Variants in FAM168A observed in about 807,000 individuals in gnomAD.
FAM168A encodes the protein family with sequence similarity 168 member A.
Under a neutral mutation model 28.5 loss-of-function variants are expected in FAM168A, and 3 were observed. The ratio of observed to expected loss-of-function variants is 0.11; its 90% CI spans 0.05 to 0.27. FAM168A has a LOEUF of 0.27. Ranked by LOEUF, FAM168A falls within the 10% of genes least tolerant of loss-of-function variation. The pLI, the probability that FAM168A is intolerant of heterozygous loss-of-function variation, is 1.00. For missense variants in FAM168A, 222 were observed against 311.5 expected (o/e 0.71, Z 2.16); for synonymous variants, 122 against 124.2 (o/e 0.98, Z 0.12).
chr11:73,557,226 G>A (rs1337532568), intron 1 of FAM168A, among the ~76,000 whole-genome samples: 1 of 152,140 alleles, frequency 6.6e-6, no homozygotes, highest in Non-Finnish European at 1.5e-5. Context: ...TATGCTAAGT[G>A]AATTAAACCA....
intron 1 of FAM168A, among the ~76,000 whole-genome samples, chr11:73,501,872 C>T (rs971596234): frequency 2.0e-5 from 3 of 152,138 alleles, no homozygotes; most frequent in South Asian, 2.1e-4. Flanking sequence ...GAGGCCAAGG[C>T]GGGCAGATCA....
intron 1 of FAM168A, among the ~76,000 whole-genome samples, chr11:73,589,186 C>T (rs1016712318): frequency 2.0e-5 from 3 of 152,036 alleles, no homozygotes; most frequent in African/African-American, 7.3e-5. Context: ...ACGCATAATG[C>T]TACAAAAATT....
At chr11:73,475,869 C>T (rs1457687187) in intron 1 of FAM168A, among the ~76,000 whole-genome samples, 1 of 152,066 alleles carries the variant, frequency 6.6e-6, no homozygotes, top group East Asian at 1.9e-4. Flanking sequence ...AATCCAATGC[C>T]CAGAGTCATT....
intron 1 of FAM168A, among the ~76,000 whole-genome samples, chr11:73,492,589 C>T (rs1022255684): frequency 3.3e-5 from 5 of 152,112 alleles, no homozygotes; most frequent in Admixed American, 6.5e-5. Context: ...TGCGGTAAGC[C>T]GAGATCGCAC....
intron 6 of FAM168A, among the ~76,000 whole-genome samples, chr11:73,408,393 T>C (rs920961180): frequency 6.6e-6 from 1 of 152,192 alleles, no homozygotes; most frequent in African/African-American, 2.4e-5. Context: ...GCCTCAACCA[T>C]ACCCTTACGT....
chr11:73,575,903 A>T (rs1054353272), intron 1 of FAM168A, among the ~76,000 whole-genome samples: 1 of 152,042 alleles, frequency 6.6e-6, no homozygotes, highest in African/African-American at 2.4e-5. Flanking sequence ...TAAGTAAAAC[A>T]CCTATGGCAA....
intron 1 of FAM168A, among the ~76,000 whole-genome samples, chr11:73,595,834 G>A (rs1195788085): frequency 6.6e-6 from 1 of 152,056 alleles, no homozygotes; most frequent in East Asian, 1.9e-4. Context: ...GAATTCCTTT[G>A]GAAGAAAATT....
intron 1 of FAM168A, among the ~76,000 whole-genome samples, chr11:73,591,939 T>TAGAG (rs1176920532): frequency 6.6e-6 from 1 of 152,224 alleles, no homozygotes; most frequent in Middle Eastern, 3.2e-3. Flanking sequence ...TATCTACTGA[T>TAGAG]AGAGACATTT....
chr11:73,504,490 AAGTC>A (rs772130869), intron 1 of FAM168A, among the ~76,000 whole-genome samples: 2 of 152,232 alleles, frequency 1.3e-5, no homozygotes, highest in Admixed American at 6.5e-5. Context: ...AGTTATTAAA[AAGTC>A]AGGAAACAAC....
At position 73,516,034 on chromosome 11, in the gene FAM168A, G is replaced by A. The variant is rs1051036555; in HGVS notation, c.-18-47542C>T. On this transcript the variant is annotated intron_variant, in intron 1 of 7. Transcript: ENST00000356467. ...GAGAATCGCTTGAACCCAGGAGGCG[G>A]AGGTTGCAGTGAGCCGAGATCGTGC... Among the ~76,000 whole-genome samples the A allele has an allele frequency of 3.3e-5, 5 of 151,906 alleles. No homozygotes were observed. In the East Asian group the frequency reaches 7.7e-4, roughly 24 times the overall value.
intron 1 of FAM168A, among the ~76,000 whole-genome samples, chr11:73,575,094 T>C (rs1428447138): frequency 6.6e-6 from 1 of 152,192 alleles, no homozygotes; most frequent in Non-Finnish European, 1.5e-5. Flanking sequence ...TATCCAATGA[T>C]GGTCAAAAGG....
intron 1 of FAM168A, among the ~76,000 whole-genome samples, chr11:73,552,906 G>A (rs540897120): frequency 3.9e-5 from 6 of 152,296 alleles, no homozygotes; most frequent in South Asian, 2.1e-4. Context: ...GCAGTGAGCC[G>A]AGATCGCGCC....
In FAM168A at chr11:73,505,270, G is replaced by A. The variant is rs777042851; in HGVS notation, c.-18-36778C>T. On this transcript the variant is annotated intron_variant, in intron 1 of 7. Transcript: ENST00000356467. ...AAAAAAAAAAAGAGCAAGGACTTTG[G>A]AGACAGAGAGCTCAGGTTCAGATTC... Among the ~76,000 whole-genome samples, 197 of 150,492 alleles carry A rather than the reference G, an allele frequency of 1.3e-3. 4 individuals carry two copies. Among genetic ancestry groups the A allele is most frequent in the Non-Finnish European group, 8.7e-4 (59 of 67,872 alleles).
At chr11:73,467,462 T>TAA (rs1026003863) in intron 2 of FAM168A, among the ~76,000 whole-genome samples, 9 of 152,072 alleles carry the variant, frequency 5.9e-5, no homozygotes, top group African/African-American at 2.2e-4. Context: ...AGTCCTACTA[T>TAA]GTGCCAAGCA....
At chr11:73,512,567 A>T (rs1855245751) in intron 1 of FAM168A, among the ~76,000 whole-genome samples, 2 of 152,068 alleles carry the variant, frequency 1.3e-5, no homozygotes, top group South Asian at 4.1e-4. Flanking sequence ...ATTTTACAAT[A>T]TATGAATTAT....
At chr11:73,527,230 A>C (rs1163976524) in intron 1 of FAM168A, among the ~76,000 whole-genome samples, 1 of 151,780 alleles carries the variant, frequency 6.6e-6, no homozygotes, top group Non-Finnish European at 1.5e-5. Flanking sequence ...AAGGAAACTC[A>C]TGGGGAAACG....
intron 1 of FAM168A, among the ~76,000 whole-genome samples, chr11:73,582,325 T>C (rs933740716): frequency 5.9e-5 from 9 of 151,664 alleles, no homozygotes; most frequent in Non-Finnish European, 2.9e-5. Flanking sequence ...ATCGATACCA[T>C]CCCGGCTAAC....
intron 1 of FAM168A, among the ~76,000 whole-genome samples, chr11:73,529,652 C>T (rs764264660): frequency 1.3e-5 from 2 of 152,290 alleles, no homozygotes; most frequent in South Asian, 2.1e-4. Flanking sequence ...CTTTAACTTA[C>T]GTTAAGAACA....
intron 1 of FAM168A, among the ~76,000 whole-genome samples, chr11:73,518,726 T>C (rs1160500921): frequency 6.6e-6 from 1 of 151,974 alleles, no homozygotes; most frequent in Non-Finnish European, 1.5e-5. Context: ...TGAAACCCCA[T>C]CTCTACTAAA....
Sources: allele counts gnomAD v4.1 joint callset (sites outside exome capture counted in the v4.1 genomes callset), GRCh38; gene constraint gnomAD v4.1.1; transcripts MANE v1.5; gene names NCBI Gene and HGNC (gene_info 2026-07-23, HGNC 2026-07-21).